Variants in IL18 observed in about 807,000 individuals in gnomAD.
IL18 encodes interleukin-18.
Under a neutral mutation model 14.2 loss-of-function variants are expected in IL18, and 8 were observed. That is an observed-to-expected ratio of 0.56 (90% CI 0.33 to 1.01). The LOEUF is 1.01. IL18 is among the 50% of genes least tolerant of loss of function. The pLI is 0.03. For missense variants in IL18, 166 were observed against 231.1 expected, an observed-to-expected ratio of 0.72 and a Z score of 1.83; for synonymous variants, 67 against 71.0, an observed-to-expected ratio of 0.94 and a Z score of 0.28.
chr11:112,159,337 ACAC>A (rs907937493), intron 1 of IL18, among the ~76,000 whole-genome samples: 1 of 152,106 alleles, frequency 6.6e-6, no homozygotes, highest in African/African-American at 2.4e-5. Context: ...AACTCTGTCA[ACAC>A]CACCACCACC....
Position 112,148,724 on chromosome 11 carries a change from C to T in IL18, c.239G>A (p.Arg80Gln), listed in dbSNP as rs768843343. 2.2e-5 allele frequency: 32 copies of T among 1,448,176 alleles called. No individual in the cohort carries two copies. Among genetic ancestry groups the T allele is most frequent in the East Asian group, 5.3e-5 (2 of 37,722 alleles). The allele number at this position is 1,448,176 out of a possible 1,614,324, so 89.7% of individuals were successfully genotyped here. A position where few individuals can be genotyped will look rare whatever the true frequency, so the allele number is the denominator to read the frequency against. Residue 80 changes from arginine (R) to glutamine (Q), a missense_variant, in exon 5 of 6, where the codon CGG (arginine) becomes CAG (glutamine). Physicochemically the swap from Arg to Gln is conservative, Grantham distance 43 (BLOSUM62 1). Transcript: ENST00000280357. ...ATACATACTTATAATAAATATGGTC[C>T]GGGGTGCATTATCTGAAATAAATAT... ...TDSDCRDNAP[R>Q]TIFIISMYKD...
chr11:112,161,384 G>C (rs1866629165), intron 1 of IL18, among the ~76,000 whole-genome samples: 2 of 152,194 alleles, frequency 1.3e-5, no homozygotes, highest in African/African-American at 4.8e-5. Context: ...AAAGCTGTAA[G>C]GAGAGAACCA....
chr11:112,143,582 T>G lies in IL18; in HGVS notation c.*14A>C. The G allele has an allele frequency of 5.1e-5, 81 of 1,576,792 alleles. No homozygotes were observed. The highest frequency in any genetic ancestry group is 6.7e-5 in the Non-Finnish European group (77 of 1,150,658). On this transcript the variant is annotated 3_prime_UTR_variant, in exon 6 of 6. Coordinates refer to ENST00000280357, the MANE Select transcript of IL18 (RefSeq NM_001562.4). ...CAGGCGTGAGCCACTGCGCCCGGCA[T>G]GAAATTTTAATAGCTAGTCTTCGTT...
At chr11:112,159,047 G>A (rs925610156) in intron 1 of IL18, among the ~76,000 whole-genome samples, 10 of 151,606 alleles carry the variant, frequency 6.6e-5, no homozygotes, top group Admixed American at 5.9e-4. Context: ...ACTCACTCTA[G>A]AAGCAACATA....
At chr11:112,147,045 C>T (rs1485328530) in intron 5 of IL18, among the ~76,000 whole-genome samples, 1 of 151,824 alleles carries the variant, frequency 6.6e-6, no homozygotes, top group African/African-American at 2.4e-5. Context: ...ATTCTCCTGC[C>T]TCAGCCTCCC....
At chr11:112,156,831 T>G (rs1279858679) in intron 1 of IL18, among the ~76,000 whole-genome samples, 1 of 151,212 alleles carries the variant, frequency 6.6e-6, no homozygotes, top group Non-Finnish European at 1.5e-5. Context: ...TTATCAAACA[T>G]TTAAATATTA....
chr11:112,146,103 A>T (rs1866338515), intron 5 of IL18, among the ~76,000 whole-genome samples: 1 of 150,544 alleles, frequency 6.6e-6, no homozygotes, highest in Admixed American at 6.6e-5. Context: ...TATTGACCTA[A>T]CATCTCCCAA....
At chr11:112,143,839 C>G (rs944845576) in intron 5 of IL18, 22 bp from the exon 6 acceptor site, 10 of 1,405,010 alleles carry the variant, frequency 7.1e-6, no homozygotes, top group Non-Finnish European at 9.9e-6. Context: ...AAAACATTAC[C>G]TAATTATTTC....
chr11:112,151,689 A>G (rs999833493), intron 3 of IL18, among the ~76,000 whole-genome samples: 1 of 152,124 alleles, frequency 6.6e-6, no homozygotes, highest in African/African-American at 2.4e-5. Flanking sequence ...TTCACCATCA[A>G]GCTGCTTTCA....
intron 1 of IL18, among the ~76,000 whole-genome samples, chr11:112,157,704 A>C (rs955831300): frequency 6.6e-6 from 1 of 152,174 alleles, no homozygotes; most frequent in Non-Finnish European, 1.5e-5. Flanking sequence ...CACCAAGAAG[A>C]AGCAATGTGA....
chr11:112,159,956 C>T (rs1401997482), intron 1 of IL18, among the ~76,000 whole-genome samples: 2 of 152,092 alleles, frequency 1.3e-5, no homozygotes, highest in Non-Finnish European at 2.9e-5. Flanking sequence ...GAGTTATATA[C>T]ATGTACAAAT....
At chr11:112,150,408 C>A in intron 3 of IL18, 1 of 473,478 alleles carries the variant, frequency 2.1e-6, no homozygotes, top group Non-Finnish European at 3.8e-6. Flanking sequence ...ACTACTCTGC[C>A]TCTGAAGTGT....
intron 3 of IL18, chr11:112,153,094 C>T (rs1028526524): frequency 6.5e-6 from 1 of 153,238 alleles, no homozygotes; most frequent in East Asian, 1.9e-4. Flanking sequence ...TGGTTTCTTT[C>T]AGCTTTTGGC....
intron 1 of IL18, among the ~76,000 whole-genome samples, chr11:112,161,788 G>A (rs998943536): frequency 1.3e-5 from 2 of 152,048 alleles, no homozygotes; most frequent in African/African-American, 4.8e-5. Flanking sequence ...TGACACAGCA[G>A]GGCTCCATCT....
intron 1 of IL18, among the ~76,000 whole-genome samples, chr11:112,158,462 T>C (rs927455908): frequency 1.3e-5 from 2 of 151,770 alleles, no homozygotes; most frequent in Non-Finnish European, 2.9e-5. Context: ...TGGTGGTACT[T>C]TGGCCTTTTT....
chr11:112,157,176 T>G (rs1866549116), intron 1 of IL18, among the ~76,000 whole-genome samples: 1 of 152,234 alleles, frequency 6.6e-6, no homozygotes, highest in Non-Finnish European at 1.5e-5. Context: ...TTTGTTAACC[T>G]GAGAGGCACT....
chr11:112,143,408 G>A lies in IL18; in HGVS notation c.*188C>T, dbSNP rs185309690. The A allele has an allele frequency of 1.6e-4, 79 of 481,434 alleles. 1 individual carries two copies. In the Admixed American group the frequency reaches 2.9e-3, roughly 18 times the overall value. 29.8% of individuals were successfully genotyped at this position (481,434 alleles called of 1,614,324 possible). ...TGATTCTCCTGCCTCAGCCTCTTGA[G>A]TAGCTGGGATTGAGGGCATGCGTCA... On this transcript the variant is annotated 3_prime_UTR_variant, in exon 6 of 6. Transcript: ENST00000280357.
At position 112,143,671 on chromosome 11, in the gene IL18, A is replaced by G; in HGVS notation, c.507T>C (p.Leu169=). 6.2e-7 allele frequency: 1 copy of G among 1,613,128 alleles called. No individual in the cohort carries two copies. The highest frequency in any genetic ancestry group is 8.5e-7 in the Non-Finnish European group (1 of 1,179,284). Residue 169 remains leucine, a synonymous_variant, in exon 6 of 6, where the codon CTT becomes CTC. Transcript: ENST00000280357. ...CCTCTTTTTTCAAAATGAGTTTAAAAAGGTCTCTCTCTTTTTCACAAGCTA... is the reference window on the plus strand; with the variant it reads ...CCTCTTTTTTCAAAATGAGTTTAAAGAGGTCTCTCTCTTTTTCACAAGCTA... The part of the protein sequence containing the change: ...YFLACEKERD[L]FKLILKKEDE...
intron 1 of IL18, among the ~76,000 whole-genome samples, chr11:112,156,762 T>C (rs2135320686): frequency 6.6e-6 from 1 of 152,000 alleles, no homozygotes; most frequent in East Asian, 1.9e-4. Flanking sequence ...TTAAATAAAA[T>C]AAAAACTGAT....
Sources: allele counts gnomAD v4.1 joint callset (sites outside exome capture counted in the v4.1 genomes callset), GRCh38; gene constraint gnomAD v4.1.1; transcripts MANE v1.5; gene names NCBI Gene and HGNC (gene_info 2026-07-23, HGNC 2026-07-21).